Variants in HS6ST2 observed in about 807,000 individuals in gnomAD.
The protein encoded by HS6ST2 is heparan-sulfate 6-O-sulfotransferase 2.
A neutral mutation model predicts 33.0 loss-of-function variants in HS6ST2; 17 were observed. The observed-to-expected ratio is 0.52, with a 90% confidence interval of 0.35 to 0.77. The LOEUF is 0.77. HS6ST2 is among the 30% of genes least tolerant of loss of function. The pLI, the probability that HS6ST2 is intolerant of heterozygous loss-of-function variation, is 0.01. For missense variants in HS6ST2, 519 were observed against 551.7 expected, an observed-to-expected ratio of 0.94 and a Z score of 0.59; for synonymous variants, 248 against 237.1, an observed-to-expected ratio of 1.05 and a Z score of -0.42.
At chrX:132,637,189 G>A (rs2063555360) in intron 4 of HS6ST2, among the ~76,000 whole-genome samples, 2 of 112,189 alleles carry the variant, frequency 1.8e-5, no homozygotes, top group African/African-American at 6.5e-5. Context: ...ACACTCTCAG[G>A]TCCACTCACT....
intron 4 of HS6ST2, among the ~76,000 whole-genome samples, chrX:132,646,533 C>G (rs2063644242): frequency 1.5e-5 from 1 of 67,949 alleles, no homozygotes; most frequent in Non-Finnish European, 2.4e-5. Context: ...GACCCTGTCT[C>G]TTAAAAAAAA....
chrX:132,696,244 G>T (rs138435656), intron 3 of HS6ST2, among the ~76,000 whole-genome samples: 1,119 of 111,870 alleles, frequency 0.01, 6 homozygotes, highest in African/African-American at 0.034. Flanking sequence ...GTGTATGCAT[G>T]TATGTGGCCA....
chrX:132,705,957 A>G (rs1343762078), intron 3 of HS6ST2, among the ~76,000 whole-genome samples: 1 of 112,071 alleles, frequency 8.9e-6, no homozygotes, highest in Admixed American at 9.5e-5. Flanking sequence ...TTATGAGGGC[A>G]TATTTTTAAA....
chrX:132,723,025 A>T (rs143834414), intron 2 of HS6ST2, among the ~76,000 whole-genome samples: 2,106 of 111,615 alleles, frequency 0.019, 42 homozygotes, highest in East Asian at 0.14. Context: ...AATTCAAAGG[A>T]TCATTAGTGG....
intron 2 of HS6ST2, among the ~76,000 whole-genome samples, chrX:132,745,240 T>C (rs763366378): frequency 9.0e-6 from 1 of 111,452 alleles, no homozygotes; most frequent in East Asian, 2.8e-4. Context: ...AGCACATCAC[T>C]GTGCCCAGCT....
intron 2 of HS6ST2, among the ~76,000 whole-genome samples, chrX:132,909,155 G>T (rs1602856169): frequency 9.0e-6 from 1 of 111,466 alleles, no homozygotes; most frequent in African/African-American, 3.3e-5. Context: ...TTACAGCCTG[G>T]CTACCATATA....
chrX:132,787,184 T>TACAC (rs2065072892), intron 2 of HS6ST2, among the ~76,000 whole-genome samples: 1 of 79,581 alleles, frequency 1.3e-5, no homozygotes, highest in East Asian at 4.4e-4. Context: ...TATATATATA[T>TACAC]ATACATATAT....
At chrX:132,700,027 T>C (rs1231705943) in intron 3 of HS6ST2, among the ~76,000 whole-genome samples, 2 of 111,716 alleles carry the variant, frequency 1.8e-5, no homozygotes, top group East Asian at 2.8e-4. Context: ...CCACTGTACA[T>C]AGTAGCCTTC....
At chrX:132,815,201 A>G (rs2065383758) in intron 2 of HS6ST2, among the ~76,000 whole-genome samples, 1 of 112,460 alleles carries the variant, frequency 8.9e-6, no homozygotes, top group African/African-American at 3.2e-5. Flanking sequence ...CCTGAAGAAC[A>G]AATATTTAAA....
At chrX:132,755,570 T>C (rs1360839478) in intron 2 of HS6ST2, among the ~76,000 whole-genome samples, 1 of 111,675 alleles carries the variant, frequency 9.0e-6, no homozygotes, top group Non-Finnish European at 1.9e-5. Context: ...ATATAAAGTT[T>C]AACTGGAACC....
At chrX:132,751,430 C>T (rs2064706774) in intron 2 of HS6ST2, among the ~76,000 whole-genome samples, 1 of 112,137 alleles carries the variant, frequency 8.9e-6, no homozygotes, top group South Asian at 3.7e-4. Flanking sequence ...CCTGGGAAGG[C>T]AGATGCAGGA....
At chrX:132,918,041 G>T (rs1362035236) in intron 2 of HS6ST2, among the ~76,000 whole-genome samples, 1 of 112,421 alleles carries the variant, frequency 8.9e-6, no homozygotes, top group African/African-American at 3.2e-5. Flanking sequence ...CCTGACAACT[G>T]AAATAGATTG....
At chrX:132,851,749 C>T (rs2065803943) in intron 2 of HS6ST2, among the ~76,000 whole-genome samples, 1 of 111,961 alleles carries the variant, frequency 8.9e-6, no homozygotes, top group Non-Finnish European at 1.9e-5. Context: ...TGGCCCTTCA[C>T]ATCCAATCCT....
At chrX:132,668,658 T>C (rs1227884245) in intron 4 of HS6ST2, among the ~76,000 whole-genome samples, 1 of 111,909 alleles carries the variant, frequency 8.9e-6, no homozygotes, top group Non-Finnish European at 1.9e-5. Context: ...AACATAAATG[T>C]ACTTAAACCA....
intron 2 of HS6ST2, among the ~76,000 whole-genome samples, chrX:132,819,675 T>A (rs1399998390): frequency 1.8e-5 from 2 of 112,107 alleles, no homozygotes; most frequent in Non-Finnish European, 3.8e-5. Flanking sequence ...CCCTTCTACT[T>A]TCCCATCTGG....
chrX:132,723,561 A>C (rs771729345), intron 2 of HS6ST2, among the ~76,000 whole-genome samples: 1 of 112,131 alleles, frequency 8.9e-6, no homozygotes, highest in East Asian at 2.8e-4. Flanking sequence ...AGCAGAATGA[A>C]GGACAAAAAC....
At chrX:132,890,446 T>C (rs769482501) in intron 2 of HS6ST2, among the ~76,000 whole-genome samples, 30 of 105,841 alleles carry the variant, frequency 2.8e-4, no homozygotes, top group Non-Finnish European at 5.1e-4. Context: ...AAACCCGCAA[T>C]TACTTGTGCA....
At chrX:132,796,871 T>C (rs1052335301) in intron 2 of HS6ST2, among the ~76,000 whole-genome samples, 14 of 112,435 alleles carry the variant, frequency 1.2e-4, no homozygotes, top group African/African-American at 3.6e-4. Flanking sequence ...AGTGAAGCAC[T>C]ACTACACTTC....
chrX:132,880,493 C>A (rs2066155703), intron 2 of HS6ST2, among the ~76,000 whole-genome samples: 1 of 101,555 alleles, frequency 9.8e-6, no homozygotes, highest in African/African-American at 3.6e-5. Context: ...CCACTACACT[C>A]CAGCCTGGAT....
Sources: allele counts gnomAD v4.1 joint callset (sites outside exome capture counted in the v4.1 genomes callset), GRCh38; gene constraint gnomAD v4.1.1; transcripts MANE v1.5; gene names NCBI Gene and HGNC (gene_info 2026-07-23, HGNC 2026-07-21).